The following RUFY2 variants were observed in gnomAD, a reference collection of about 807,000 sequenced individuals.
RUFY2 encodes the protein RUN and FYVE domain-containing protein 2.
A neutral mutation model predicts 94.4 loss-of-function variants in RUFY2; 49 were observed. The observed-to-expected ratio is 0.52, with a 90% CI of 0.41 to 0.66. The LOEUF (loss-of-function observed/expected upper bound fraction) is 0.66. Ranked by LOEUF, RUFY2 falls within the 30% of genes least tolerant of loss-of-function variation. The pLI is 0.00. For missense variants in RUFY2, 541 were observed against 692.8 expected (o/e 0.78, Z 2.46); for synonymous variants, 255 against 235.7 (o/e 1.08, Z -0.75).
chr10:68,366,965 C>A (rs2047896862), intron 13 of RUFY2, among the ~76,000 whole-genome samples: 1 of 149,182 alleles, frequency 6.7e-6, no homozygotes, highest in African/African-American at 2.5e-5. Context: ...GTCAGGAATT[C>A]GAGACCAGCC....
chr10:68,366,742 ATAT>A (rs1490894323), intron 13 of RUFY2, among the ~76,000 whole-genome samples: 4 of 118,142 alleles, frequency 3.4e-5, no homozygotes, highest in Non-Finnish European at 7.5e-5. Context: ...ACTCTAAAAT[ATAT>A]ATATATATAT....
chr10:68,404,806 A>G lies in RUFY2; in HGVS notation c.43T>C (p.Leu15=). The change falls in exon 2 of 18, where the codon TTA becomes CTA. Residue 15 remains leucine (L), a synonymous_variant. Coordinates refer to ENST00000602465, the MANE Select transcript of RUFY2 (RefSeq NM_001330103.2). ...DPTAVERANL[L]NMAKLSIKGL... ...TTGATACTCAGTTTAGCCATGTTTA[A>G]CAAGTTTGCTCTCTCTACAGCTGTG... 6.2e-7 allele frequency: 1 copy of G among 1,612,530 alleles called. No homozygotes were observed. The highest frequency in any genetic ancestry group is 1.1e-5 in the South Asian group (1 of 90,724).
intron 16 of RUFY2, among the ~76,000 whole-genome samples, chr10:68,350,516 C>T (rs2046587206): frequency 6.6e-6 from 1 of 152,028 alleles, no homozygotes; most frequent in Admixed American, 6.6e-5. Flanking sequence ...CATAAAAAAA[C>T]TGAGAAAAGC....
chr10:68,378,697 A>G, intron 12 of RUFY2: 1 of 1,564,512 alleles, frequency 6.4e-7, no homozygotes, highest in South Asian at 1.2e-5. Flanking sequence ...AAAGAAATCA[A>G]AGACAGAAAA....
chr10:68,370,387 C>T (rs1359097329), intron 13 of RUFY2, among the ~76,000 whole-genome samples: 3 of 150,094 alleles, frequency 2.0e-5, no homozygotes, highest in Admixed American at 6.6e-5. Context: ...CCACTGGTAA[C>T]AATGGAAGAG....
In RUFY2 at chr10:68,394,331, T is replaced by C; in HGVS notation, c.519A>G (p.Ser173=). 6 of 1,613,960 alleles carry C rather than the reference T, an allele frequency of 3.7e-6. No individual in the cohort carries two copies. Among genetic ancestry groups the C allele is most frequent in the Non-Finnish European group, 4.2e-6 (5 of 1,179,884 alleles). Residue 173 remains serine (S), a synonymous_variant, in exon 5 of 18, where the codon TCA becomes TCG. Coordinates refer to ENST00000602465, the MANE Select transcript of RUFY2 (RefSeq NM_001330103.2). ...GGCACTAGTCACTTTCACTTACTTGTGAGTCTAAATCCTCTCCCTTCACAC... is the reference window on the plus strand; with the variant it reads ...GGCACTAGTCACTTTCACTTACTTGCGAGTCTAAATCCTCTCCCTTCACAC... ...NLCVKGEDLD[S]QVGVIDFSMY...
chr10:68,374,774 T>G (rs1465331265), intron 13 of RUFY2, among the ~76,000 whole-genome samples: 2 of 152,176 alleles, frequency 1.3e-5, no homozygotes, highest in Non-Finnish European at 2.9e-5. Flanking sequence ...TCTTTGGTTG[T>G]TTGTTCTTAT....
rs987252368 is a variant in RUFY2, at chr10:68,345,320, C to A, written c.*448G>T. 5.4e-5 allele frequency: 16 copies of A among 298,072 alleles called. No homozygotes were observed. The highest frequency in any genetic ancestry group is 3.0e-4 in the African/African-American group (14 of 46,762). 18.5% of individuals were successfully genotyped at this position (298,072 alleles called of 1,614,324 possible). A position where few individuals can be genotyped will look rare whatever the true frequency, so the allele number is the denominator to read the frequency against. On this transcript the variant is annotated 3_prime_UTR_variant, in exon 18 of 18. Transcript: ENST00000602465. ...GCAAATAAATATAGTTGAAATCTTA[C>A]AAAGATAATGAAAATCTGTTGAATT... is the stretch of plus-strand genomic sequence containing the variant.
intron 11 of RUFY2, among the ~76,000 whole-genome samples, 170 bp from the exon 12 acceptor site, chr10:68,379,691 C>T (rs2048901618): frequency 6.6e-6 from 1 of 152,050 alleles, no homozygotes; most frequent in Non-Finnish European, 1.5e-5. Context: ...GAGTTCTGAT[C>T]TGTTAACCTG....
chr10:68,379,349 G>A, intron 12 of RUFY2, 75 bp downstream of exon 12: 1 of 1,020,790 alleles, frequency 9.8e-7, no homozygotes, highest in East Asian at 2.6e-5. Context: ...TGGTTTTTGT[G>A]GCAGGTGTAG....
At chr10:68,404,891 A>G (rs2133274641) in intron 1 of RUFY2, 47 bp from the exon 2 acceptor site, 1 of 1,448,386 alleles carries the variant, frequency 6.9e-7, no homozygotes, top group Non-Finnish European at 9.3e-7. Context: ...AGACATGACA[A>G]TGAAAAATAT....
Position 68,384,153 on chromosome 10 carries a change from C to T in RUFY2, c.721-1G>A. On this transcript the variant is annotated splice_acceptor_variant, in intron 8 of 17. Transcript: ENST00000602465. LOFTEE classifies it high-confidence loss of function. ...TGATGTTATTCTTTGCTATTGCTAA[C>T]TAAAAATTAAGAAACGGGCAAGAAA... The T allele has an allele frequency of 6.2e-7, 1 of 1,605,566 alleles. No individual in the cohort carries two copies. Among genetic ancestry groups the T allele is most frequent in the Non-Finnish European group, 8.5e-7 (1 of 1,178,752 alleles).
chr10:68,372,172 A>G (rs1387379455), intron 13 of RUFY2, among the ~76,000 whole-genome samples: 1 of 151,828 alleles, frequency 6.6e-6, no homozygotes, highest in African/African-American at 2.4e-5. Flanking sequence ...ACTTTGGAAG[A>G]TCATGGCAGG....
intron 3 of RUFY2, among the ~76,000 whole-genome samples, chr10:68,400,501 C>T (rs1385178063): frequency 6.7e-6 from 1 of 149,400 alleles, no homozygotes; most frequent in East Asian, 2.0e-4. Context: ...ATGGTGAAAC[C>T]CCGTCTCTAC....
intron 7 of RUFY2, among the ~76,000 whole-genome samples, chr10:68,386,505 A>T (rs1400980858): frequency 6.6e-6 from 1 of 152,072 alleles, no homozygotes; most frequent in African/African-American, 2.4e-5. Context: ...GTGCGCCACC[A>T]TGCCCGGCTA....
intron 16 of RUFY2, among the ~76,000 whole-genome samples, chr10:68,353,806 T>A (rs975161604): frequency 7.9e-5 from 12 of 151,420 alleles, no homozygotes; most frequent in African/African-American, 2.7e-4. Flanking sequence ...CTCAAAAAAA[T>A]AATAAATAAA....
rs757309186 is a variant in RUFY2, at chr10:68,345,748, A to C, written c.*20T>G. On this transcript the variant is annotated 3_prime_UTR_variant, in exon 18 of 18. Transcript: ENST00000602465. ...ATTCATTGTAGGTAATTTCATACAT[A>C]AGGATTTAGTTCTGGAGTCTCAGGG... is the stretch of plus-strand genomic sequence containing the variant. 4 of 1,597,854 alleles carry C rather than the reference A, an allele frequency of 2.5e-6. No homozygotes were observed. The South Asian group carries it at 4.5e-5, about 18-fold the overall frequency.
At chr10:68,378,447 C>T in intron 12 of RUFY2, 2 of 1,307,370 alleles carry the variant, frequency 1.5e-6, no homozygotes, top group Non-Finnish European at 1.9e-6. Context: ...AAGAAATGTA[C>T]AGGGTTCCTA....
At chr10:68,352,982 A>G (rs2046792160) in intron 16 of RUFY2, among the ~76,000 whole-genome samples, 1 of 152,002 alleles carries the variant, frequency 6.6e-6, no homozygotes. Context: ...AAGTAAGAAA[A>G]TATAATCACA....
Sources: allele counts gnomAD v4.1 joint callset (sites outside exome capture counted in the v4.1 genomes callset), GRCh38; gene constraint gnomAD v4.1.1; transcripts MANE v1.5; gene names NCBI Gene and HGNC (gene_info 2026-07-23, HGNC 2026-07-21).